Variants in ANKFN1 observed in about 807,000 individuals in gnomAD.
The protein encoded by ANKFN1 is ankyrin repeat and fibronectin type III domain containing 1.
In ANKFN1, 74 loss-of-function variants were observed where a neutral mutation model predicts 108.7. The observed-to-expected ratio is 0.68, with a 90% CI of 0.56 to 0.83. The LOEUF (loss-of-function observed/expected upper bound fraction) is 0.83, where lower values mean the gene tolerates loss of function less well. Among genes scored for constraint, ANKFN1 ranks in the 40% least tolerant of loss-of-function variants. ANKFN1 has a pLI of 0.00. For synonymous variants in ANKFN1, 547 were observed against 516.2 expected, an observed-to-expected ratio of 1.06 and a Z score of -0.81; for missense variants, 1,505 against 1,382.3, an observed-to-expected ratio of 1.09 and a Z score of -1.41.
intron 6 of ANKFN1, 41 bp from the exon 7 acceptor site, chr17:56,372,605 C>T: frequency 1.3e-6 from 2 of 1,562,062 alleles, no homozygotes; most frequent in Non-Finnish European, 1.7e-6. Context: ...GCAGCATTTC[C>T]CCAGAAAGAA....
intron 4 of ANKFN1, among the ~76,000 whole-genome samples, chr17:56,069,230 T>A (rs1478153368): frequency 1.3e-5 from 2 of 152,238 alleles, no homozygotes; most frequent in Non-Finnish European, 2.9e-5. Context: ...TTTCCTGGCC[T>A]GTTTAATTGG....
At chr17:56,396,822 A>G (rs965228839) in intron 8 of ANKFN1, among the ~76,000 whole-genome samples, 3 of 151,990 alleles carry the variant, frequency 2.0e-5, no homozygotes, top group Admixed American at 6.6e-5. Context: ...ATTTAATCCC[A>G]ATCATTGATC....
intron 8 of ANKFN1, among the ~76,000 whole-genome samples, chr17:56,422,470 C>T (rs970305011): frequency 6.6e-5 from 10 of 150,758 alleles, no homozygotes; most frequent in South Asian, 4.2e-4. Flanking sequence ...CACACACACA[C>T]GCACGCATGC....
At chr17:56,315,044 T>A (rs114057412) in intron 3 of ANKFN1, among the ~76,000 whole-genome samples, 1 of 152,228 alleles carries the variant, frequency 6.6e-6, no homozygotes, top group African/African-American at 2.4e-5. Context: ...GGTGCAAATG[T>A]GTTTCACTGG....
At chr17:56,221,453 A>G (rs897990272) in intron 2 of ANKFN1, among the ~76,000 whole-genome samples, 3 of 152,236 alleles carry the variant, frequency 2.0e-5, no homozygotes, top group African/African-American at 7.2e-5. Context: ...TTAAATGTCA[A>G]TAAACATTAG....
intron 8 of ANKFN1, among the ~76,000 whole-genome samples, chr17:56,431,782 G>T (rs2048764831): frequency 6.6e-6 from 1 of 152,210 alleles, no homozygotes. Context: ...TGCCCCCGTG[G>T]CTAGTGATTT....
intron 18 of ANKFN1, among the ~76,000 whole-genome samples, chr17:56,484,046 G>A (rs2050786719): frequency 6.6e-6 from 1 of 152,212 alleles, no homozygotes; most frequent in African/African-American, 2.4e-5. Context: ...GATGTGGGGT[G>A]TTGAAGAACA....
chr17:56,092,495 C>G lies in ANKFN1; in HGVS notation c.288+46170C>G, dbSNP rs189996033. On this transcript the variant is annotated intron_variant, in intron 4 of 12. Transcript: ENST00000635860. Reference sequence around the variant, plus strand: ...TTCACTGTGTTAGCCAGGATGGTCTCGATCTCCTGACCTCATGATCCACCC... The same window carrying G: ...TTCACTGTGTTAGCCAGGATGGTCTGGATCTCCTGACCTCATGATCCACCC... Among the ~76,000 whole-genome samples the G allele has an allele frequency of 2.7e-5, 4 of 150,930 alleles. No individual in the cohort carries two copies. In the East Asian group the frequency reaches 7.7e-4, roughly 29 times the overall value.
At chr17:56,325,993 A>G (rs1470536024) in intron 3 of ANKFN1, among the ~76,000 whole-genome samples, 1 of 152,188 alleles carries the variant, frequency 6.6e-6, no homozygotes, top group Non-Finnish European at 1.5e-5. Context: ...CTAAGCACAC[A>G]CTGAAGTCAT....
chr17:56,437,410 G>A (rs2048963925), intron 8 of ANKFN1, among the ~76,000 whole-genome samples: 1 of 152,174 alleles, frequency 6.6e-6, no homozygotes, highest in African/African-American at 2.4e-5. Context: ...GTTGTCTTGA[G>A]TTCTTAGTCT....
chr17:56,239,309 A>G (rs1917404614), intron 3 of ANKFN1, among the ~76,000 whole-genome samples: 1 of 152,176 alleles, frequency 6.6e-6, no homozygotes, highest in Non-Finnish European at 1.5e-5. Context: ...GAAAAGATCT[A>G]GTGTTCAATA....
At chr17:56,230,640 C>T (rs1357472249) in intron 3 of ANKFN1, among the ~76,000 whole-genome samples, 6 of 151,902 alleles carry the variant, frequency 3.9e-5, no homozygotes, top group South Asian at 2.1e-4. Context: ...TCTTTTCAAC[C>T]GCTCATATTC....
chr17:56,201,758 C>T (rs1425804503), intron 1 of ANKFN1, among the ~76,000 whole-genome samples: 1 of 152,014 alleles, frequency 6.6e-6, no homozygotes, highest in Non-Finnish European at 1.5e-5. Context: ...ATACCAGCCA[C>T]AAGTGGGGAA....
chr17:56,273,231 G>T (rs983570778), intron 3 of ANKFN1, among the ~76,000 whole-genome samples: 5 of 152,072 alleles, frequency 3.3e-5, no homozygotes, highest in South Asian at 2.1e-4. Context: ...TCATTTAACA[G>T]TATAGTGTGT....
At chr17:56,490,029 C>T (rs976775740) in intron 18 of ANKFN1, among the ~76,000 whole-genome samples, 4 of 152,188 alleles carry the variant, frequency 2.6e-5, no homozygotes, top group Admixed American at 6.5e-5. Context: ...GGGTCTGCCT[C>T]TTCAGATCCA....
intron 16 of ANKFN1, among the ~76,000 whole-genome samples, chr17:56,478,615 T>G (rs1349206421): frequency 1.3e-5 from 2 of 151,844 alleles, no homozygotes; most frequent in African/African-American, 2.4e-5. Flanking sequence ...GGCTCAACTT[T>G]ACAACCCTCA....
intron 1 of ANKFN1, among the ~76,000 whole-genome samples, chr17:56,197,275 C>T (rs1913607808): frequency 1.3e-5 from 2 of 152,162 alleles, no homozygotes; most frequent in East Asian, 1.9e-4. Context: ...AATATTTTAT[C>T]GATTACAGTG....
intron 4 of ANKFN1, among the ~76,000 whole-genome samples, chr17:56,134,408 G>A (rs1907472009): frequency 6.6e-6 from 1 of 152,110 alleles, no homozygotes; most frequent in African/African-American, 2.4e-5. Context: ...GGGGGCTGGG[G>A]CTGAAAGCTC....
intron 4 of ANKFN1, among the ~76,000 whole-genome samples, chr17:56,073,083 C>T (rs1905139322): frequency 2.0e-5 from 3 of 151,256 alleles, no homozygotes; most frequent in African/African-American, 4.9e-5. Flanking sequence ...AGCTCCGCCT[C>T]CCGGGTTCAC....
Sources: gnomAD v4.1 joint callset for allele counts (sites outside exome capture counted in the v4.1 genomes callset) on GRCh38, gnomAD v4.1.1 for gene constraint, MANE v1.5 for transcripts, NCBI Gene and HGNC (gene_info 2026-07-23, HGNC 2026-07-21) for gene names.